LEMD2: variants seen among roughly 807,000 people sequenced by gnomAD.
The protein encoded by LEMD2 is LEM domain nuclear envelope protein 2, also known as LEM domain-containing protein 2.
Under a neutral mutation model 58.8 loss-of-function variants are expected in LEMD2, and 34 were observed. That is an observed-to-expected ratio of 0.58 (90% CI 0.44 to 0.77). The LOEUF (loss-of-function observed/expected upper bound fraction) is 0.77, where lower values mean the gene tolerates loss of function less well. LEMD2 is among the 30% of genes least tolerant of loss of function. The pLI, the probability that LEMD2 is intolerant of heterozygous loss-of-function variation, is 0.00. For missense variants in LEMD2, 629 were observed against 717.9 expected, an observed-to-expected ratio of 0.88 and a Z score of 1.42; for synonymous variants, 298 against 308.9, an observed-to-expected ratio of 0.96 and a Z score of 0.37.
At chr6:33,772,802 T>C in intron 8 of LEMD2, 24 bp from the exon 9 acceptor site, 2 of 1,605,994 alleles carry the variant, frequency 1.2e-6, no homozygotes, top group Non-Finnish European at 1.7e-6. Flanking sequence ...GACGGGGCTC[T>C]GCCTGGCACT....
chr6:33,774,546 C>T (rs1470073407), intron 8 of LEMD2, among the ~76,000 whole-genome samples: 1 of 151,432 alleles, frequency 6.6e-6, no homozygotes, highest in Non-Finnish European at 1.5e-5. Flanking sequence ...TCTCATGCCT[C>T]AGCCTCCTGA....
intron 1 of LEMD2, among the ~76,000 whole-genome samples, chr6:33,788,112 C>A (rs888227768): frequency 2.6e-5 from 4 of 152,212 alleles, no homozygotes; most frequent in Non-Finnish European, 5.9e-5. Flanking sequence ...GGAGCAGTGA[C>A]TACAGCTTGT....
chr6:33,784,442 GACAAGTGGTCAGCAAGGA>G lies in LEMD2; in HGVS notation c.778-33_778-16del. 2.2e-6 allele frequency: 2 copies of G among 925,546 alleles called. No homozygotes were observed. The highest frequency in any genetic ancestry group is 2.3e-5 in the Admixed American group (1 of 42,712). 57.3% of individuals were successfully genotyped at this position (925,546 alleles called of 1,614,324 possible). A position where few individuals can be genotyped will look rare whatever the true frequency, so the allele number is the denominator to read the frequency against. ...GCCTGACAGAACTGGAAAGGCACGG[GACAAGTGGTCAGCAAGGA>G]GGGGTGGGTGGGAGGGGTCCGTCTG... On this transcript the variant is annotated splice_polypyrimidine_tract_variant and intron_variant, in intron 2 of 8. Transcript: ENST00000293760.
In LEMD2 at chr6:33,788,752, T is replaced by C; in HGVS notation, c.365A>G (p.Tyr122Cys). Residue 122 changes from tyrosine (Y) to cysteine (C), a missense_variant, in exon 1 of 9, where the codon TAT becomes TGT. Transcript: ENST00000293760. ...ASWVGSRGLA[Y>C]PARPAQLRRR... Reference sequence around the variant, plus strand: ...CCTGAGTTGCGCCGGGCGGGCAGGATAGGCGAGGCCGCGGCTCCCTACCCA... The same window carrying C: ...CCTGAGTTGCGCCGGGCGGGCAGGACAGGCGAGGCCGCGGCTCCCTACCCA... 2 of 1,446,624 alleles carry C rather than the reference T, an allele frequency of 1.4e-6. No homozygotes were observed. The highest frequency in any genetic ancestry group is 1.8e-6 in the Non-Finnish European group (2 of 1,102,192). 89.6% of individuals were successfully genotyped at this position (1,446,624 alleles called of 1,614,324 possible). A position where few individuals can be genotyped will look rare whatever the true frequency, so the allele number is the denominator to read the frequency against.
chr6:33,784,477 G>GGGGGGGGGCCCCCCCCC, intron 2 of LEMD2, 50 bp from the exon 3 acceptor site: 11 of 430,754 alleles, frequency 2.6e-5, no homozygotes, highest in East Asian at 7.6e-5. Flanking sequence ...GGTGGGAGGG[G>GGGGGGGGGCCCCCCCCC]TCCGTCTGTC....
At position 33,789,126 on chromosome 6, in the gene LEMD2, G is replaced by GCCGCCCC; in HGVS notation, c.-11_-10insGGGGCGG. 1 of 1,493,112 alleles carries GCCGCCCC rather than the reference G, an allele frequency of 6.7e-7. No homozygotes were observed. The highest frequency in any genetic ancestry group is 8.8e-7 in the Non-Finnish European group (1 of 1,131,706). 92.5% of individuals were successfully genotyped at this position (1,493,112 alleles called of 1,614,324 possible). On this transcript the variant is annotated 5_prime_UTR_variant, in exon 1 of 9. Coordinates refer to ENST00000293760, the MANE Select transcript of LEMD2 (RefSeq NM_181336.4). ...CCGACAGGCCGGCCATGGCCAGGAC[G>GCCGCCCC]CCGCCCCCCGCCCGCCCCTGGCGCG...
At chr6:33,773,238 C>T (rs1050295897) in intron 8 of LEMD2, among the ~76,000 whole-genome samples, 2 of 152,168 alleles carry the variant, frequency 1.3e-5, no homozygotes, top group African/African-American at 2.4e-5. Context: ...AAGCATCAGA[C>T]GGGGGAGGCC....
At chr6:33,775,879 A>T (rs1767418920) in intron 8 of LEMD2, among the ~76,000 whole-genome samples, 1 of 152,204 alleles carries the variant, frequency 6.6e-6, no homozygotes, top group African/African-American at 2.4e-5. Flanking sequence ...CCCAGGGAGC[A>T]CTCAGCAAGG....
intron 8 of LEMD2, among the ~76,000 whole-genome samples, chr6:33,775,204 C>T (rs1642657359): frequency 6.6e-6 from 1 of 152,232 alleles, no homozygotes; most frequent in Non-Finnish European, 1.5e-5. Context: ...CTCCTCAGAG[C>T]AAGCACAGCC....
chr6:33,786,667 G>A (rs1767684344), intron 2 of LEMD2, 67 bp downstream of exon 2: 23 of 1,264,676 alleles, frequency 1.8e-5, no homozygotes, highest in Non-Finnish European at 2.6e-5. Context: ...TTCTGGGGAA[G>A]TTTACCTCCT....
Position 33,788,798 on chromosome 6 carries a change from TATC to T in LEMD2, c.316_318del (p.Asp106del), listed in dbSNP as rs757115735. The stretch of plus-strand genomic sequence containing the variant: ...ACCCAGGAAGCCGCGGAGGGCCGGA[TATC>T]ACCGTAGGCCCCAGGGGTCGCGTAG... On this transcript the variant is annotated inframe_deletion, in exon 1 of 9. Transcript: ENST00000293760. The T allele has an allele frequency of 1.6e-4, 229 of 1,452,414 alleles. No individual in the cohort carries two copies. The highest frequency in any genetic ancestry group is 1.9e-4 in the Non-Finnish European group (213 of 1,104,426). The allele number at this position is 1,452,414 out of a possible 1,614,324, so 90.0% of individuals were successfully genotyped here. A position where few individuals can be genotyped will look rare whatever the true frequency, so the allele number is the denominator to read the frequency against.
At position 33,778,403 on chromosome 6, in the gene LEMD2, G is replaced by T; in HGVS notation, c.1011-16C>A. 1 of 1,518,724 alleles carries T rather than the reference G, an allele frequency of 6.6e-7. No individual in the cohort carries two copies. Among genetic ancestry groups the T allele is most frequent in the Non-Finnish European group, 8.9e-7 (1 of 1,127,568 alleles). The allele number at this position is 1,518,724 out of a possible 1,614,324, so 94.1% of individuals were successfully genotyped here. A position where few individuals can be genotyped will look rare whatever the true frequency, so the allele number is the denominator to read the frequency against. On this transcript the variant is annotated splice_polypyrimidine_tract_variant and intron_variant, in intron 5 of 8. Coordinates refer to ENST00000293760, the MANE Select transcript of LEMD2 (RefSeq NM_181336.4). This position sits in a 1 kb window ranked among gnomAD's most constrained non-coding sequence, Gnocchi z 4.7. ...TCCTTTCAACCTGAAACAGGACACA[G>T]GGCTCTGAACATGTTGGAAAGCTCC...
Position 33,785,292 on chromosome 6 carries a change from CA to C in LEMD2, c.778-866del, listed in dbSNP as rs528122378. Among the ~76,000 whole-genome samples the C allele has an allele frequency of 4.6e-5, 7 of 152,322 alleles. No homozygotes were observed. The South Asian group carries it at 1.5e-3, about 32-fold the overall frequency. Reference sequence around the variant, plus strand: ...CCCTCCAGAAAGGCCAAGGGTGCCCCATGAAATCTTAGCTCCACAAAGCCTG... The same window carrying C: ...CCCTCCAGAAAGGCCAAGGGTGCCCCTGAAATCTTAGCTCCACAAAGCCTG... On this transcript the variant is annotated intron_variant, in intron 2 of 8. Coordinates refer to ENST00000293760, the MANE Select transcript of LEMD2 (RefSeq NM_181336.4).
intron 4 of LEMD2, 82 bp from the exon 5 acceptor site, chr6:33,780,261 C>T: frequency 8.0e-7 from 1 of 1,244,534 alleles, no homozygotes; most frequent in Non-Finnish European, 1.2e-6. Flanking sequence ...ATTAAGGAAG[C>T]CCTCTCCCGT....
chr6:33,788,355 C>A, intron 1 of LEMD2, 26 bp downstream of exon 1: 2 of 1,527,194 alleles, frequency 1.3e-6, no homozygotes, highest in East Asian at 2.5e-5. Context: ...GCCCAGGGCC[C>A]TCCCCTGCGC....
At chr6:33,774,168 C>CTT (rs11349649) in intron 8 of LEMD2, among the ~76,000 whole-genome samples, 118 of 115,350 alleles carry the variant, frequency 1.0e-3, no homozygotes, top group African/African-American at 3.0e-3. Flanking sequence ...TAGGCACTGA[C>CTT]TTTTTTTTTT....
Position 33,786,733 on chromosome 6 carries a change from C to A in LEMD2, c.777+1G>T. On this transcript the variant is annotated splice_donor_variant, in intron 2 of 8. Transcript: ENST00000293760. LOFTEE classifies it high-confidence loss of function. ...TAAAAACCAGAGAAACTCAAACTCACCTCATCTGTTTTTCTCTCACAGTCC... is the reference window on the plus strand; with the variant it reads ...TAAAAACCAGAGAAACTCAAACTCAACTCATCTGTTTTTCTCTCACAGTCC... 6.2e-7 allele frequency: 1 copy of A among 1,611,942 alleles called. No individual in the cohort carries two copies. Among genetic ancestry groups the A allele is most frequent in the Non-Finnish European group, 8.5e-7 (1 of 1,178,158 alleles).
chr6:33,785,799 T>C (rs1358446823), intron 2 of LEMD2, among the ~76,000 whole-genome samples: 1 of 152,230 alleles, frequency 6.6e-6, no homozygotes, highest in Non-Finnish European at 1.5e-5. Flanking sequence ...TACAAAACAA[T>C]TGGGAAGCAA....
At chr6:33,785,836 A>G (rs1429544618) in intron 2 of LEMD2, among the ~76,000 whole-genome samples, 1 of 152,266 alleles carries the variant, frequency 6.6e-6, no homozygotes, top group South Asian at 2.1e-4. Context: ...AATCCAATAA[A>G]TGGATGTAAT....
Sources: gnomAD v4.1 joint callset for allele counts (sites outside exome capture counted in the v4.1 genomes callset) on GRCh38, gnomAD v4.1.1 for gene constraint, Gnocchi (gnomAD v3.1) non-coding constraint, MANE v1.5 for transcripts, NCBI Gene and HGNC (gene_info 2026-07-23, HGNC 2026-07-21) for gene names.